Variants in LCMT1 observed in about 807,000 individuals in gnomAD.
The protein encoded by LCMT1 is leucine carboxyl methyltransferase 1.
In LCMT1, 32 loss-of-function variants were observed where a neutral mutation model predicts 47.7. The observed-to-expected ratio is 0.67, with a 90% CI of 0.51 to 0.90. The LOEUF (loss-of-function observed/expected upper bound fraction) is 0.90, where lower values mean the gene tolerates loss of function less well. Ranked by LOEUF, LCMT1 falls within the 40% of genes least tolerant of loss-of-function variation. The probability of loss-of-function intolerance (pLI) is 0.00; values close to 1 mark genes in which losing one functional copy is unlikely to be tolerated. For synonymous variants in LCMT1, 152 were observed against 149.7 expected (o/e 1.02, Z -0.11); for missense variants, 375 against 415.2 (o/e 0.90, Z 0.84).
intron 7 of LCMT1, among the ~76,000 whole-genome samples, chr16:25,167,652 A>G (rs1961626474): frequency 6.6e-6 from 1 of 152,220 alleles, no homozygotes; most frequent in Non-Finnish European, 1.5e-5. Context: ...AACTACATGG[A>G]TGATAATAAT....
chr16:25,130,921 C>T (rs567429465), intron 2 of LCMT1, among the ~76,000 whole-genome samples: 1 of 152,286 alleles, frequency 6.6e-6, no homozygotes, highest in African/African-American at 2.4e-5. Context: ...GCAGAGTATG[C>T]AGGAAAGGTA....
intron 4 of LCMT1, among the ~76,000 whole-genome samples, chr16:25,150,004 C>T: frequency 1.3e-5 from 2 of 150,452 alleles, no homozygotes. Context: ...GAATGGAAGA[C>T]TGAAGTTAGT....
At chr16:25,172,073 A>AG (rs1331076160) in intron 9 of LCMT1, among the ~76,000 whole-genome samples, 2 of 152,152 alleles carry the variant, frequency 1.3e-5, no homozygotes, top group African/African-American at 4.8e-5. Context: ...TGGGAGCCCA[A>AG]GGCAGGTGGA....
Position 25,124,353 on chromosome 16 carries a change from G to A in LCMT1, c.114-4122G>A, listed in dbSNP as rs565810195. 5.7e-3 allele frequency among the ~76,000 whole-genome samples: 861 copies of A among 152,330 alleles called. 5 individuals are homozygous for A. The highest frequency in any genetic ancestry group is 0.01 in the Non-Finnish European group (699 of 68,028). ...AGGTGTTATGAGGGAAAAAACAAGT[G>A]TGTATGGGGGGCAGATTTAAATCCA... On this transcript the variant is annotated intron_variant, in intron 1 of 10. Coordinates refer to ENST00000399069, the MANE Select transcript of LCMT1 (RefSeq NM_016309.3).
At chr16:25,157,540 CAAAAA>C (rs34782085) in intron 5 of LCMT1, among the ~76,000 whole-genome samples, 2 of 150,518 alleles carry the variant, frequency 1.3e-5, no homozygotes, top group Non-Finnish European at 3.0e-5. Context: ...AACGCTGTCT[CAAAAA>C]AAACCAGCAA....
chr16:25,154,140 G>T (rs1961163985), intron 5 of LCMT1, among the ~76,000 whole-genome samples: 1 of 151,778 alleles, frequency 6.6e-6, no homozygotes, highest in Admixed American at 6.6e-5. Flanking sequence ...CTCCCAAACA[G>T]CTGGAATTAC....
intron 1 of LCMT1, among the ~76,000 whole-genome samples, chr16:25,124,712 C>T (rs1372382611): frequency 9.2e-5 from 14 of 152,194 alleles, no homozygotes; most frequent in Admixed American, 7.9e-4. Context: ...AGAAGAAGGC[C>T]CCATTGTTCC....
chr16:25,149,671 T>G (rs1961008344), intron 4 of LCMT1, among the ~76,000 whole-genome samples: 2 of 152,212 alleles, frequency 1.3e-5, no homozygotes, highest in Admixed American at 1.3e-4. Context: ...CCCAGCACTT[T>G]GGAAGGCCAA....
chr16:25,155,692 G>A (rs78212285), intron 5 of LCMT1, among the ~76,000 whole-genome samples: 1 of 57,034 alleles, frequency 1.8e-5, no homozygotes, highest in African/African-American at 7.1e-5. Context: ...TTTTTTTTTT[G>A]AGACAAGGTC....
At chr16:25,135,334 G>A (rs1960474525) in intron 3 of LCMT1, among the ~76,000 whole-genome samples, 1 of 150,886 alleles carries the variant, frequency 6.6e-6, no homozygotes, top group Admixed American at 6.6e-5. Flanking sequence ...TTTTAGAGCA[G>A]GTGTTACAAA....
intron 2 of LCMT1, among the ~76,000 whole-genome samples, chr16:25,131,750 C>G (rs1960354284): frequency 6.6e-6 from 1 of 152,214 alleles, no homozygotes; most frequent in South Asian, 2.1e-4. Context: ...TCTTGGGCCA[C>G]TGCAACCTCT....
At chr16:25,177,155 G>A (rs1961972598) in intron 10 of LCMT1, among the ~76,000 whole-genome samples, 1 of 104,062 alleles carries the variant, frequency 9.6e-6, no homozygotes, top group African/African-American at 3.5e-5. Context: ...ACTCCAGCCT[G>A]GGCAACAGAG....
intron 4 of LCMT1, chr16:25,140,503 A>C: frequency 2.3e-6 from 1 of 443,884 alleles, no homozygotes. Flanking sequence ...GGCCAACCAA[A>C]TCTCCCAGAC....
In LCMT1 at chr16:25,167,356, C is replaced by T. The variant is rs538144528; in HGVS notation, c.691-1756C>T. ...TTTTAGAGACAGGGTCTCGTTCTGT[C>T]GCCCAGGCTGGAGTACAGTGGTGCC... On this transcript the variant is annotated intron_variant, in intron 7 of 10. Coordinates refer to ENST00000399069, the MANE Select transcript of LCMT1 (RefSeq NM_016309.3). 1.9e-4 allele frequency among the ~76,000 whole-genome samples: 28 copies of T among 151,188 alleles called. No individual in the cohort carries two copies. In the East Asian group the frequency reaches 5.2e-3, roughly 28 times the overall value.
rs761046157 is a variant in LCMT1 at position 25,164,645 on chromosome 16, C to T, written c.617C>T (p.Pro206Leu). The part of the protein sequence containing the change: ...IAECVLVYMT[P>L]EQSANLLKWA... ...GAATGTGTGCTGGTTTACATGACTC[C>T]AGAGCAGTCCGCAAACCTCCTGAAG... The change falls in exon 7 of 11, where the codon CCA becomes CTA. Residue 206 changes from proline (P) to leucine (L), a missense_variant. Pro to Leu is a moderately conservative substitution (Grantham distance 98). Coordinates refer to ENST00000399069, the MANE Select transcript of LCMT1 (RefSeq NM_016309.3). 1.2e-6 allele frequency: 2 copies of T among 1,613,934 alleles called. No individual in the cohort carries two copies. The highest frequency in any genetic ancestry group is 1.7e-6 in the Non-Finnish European group (2 of 1,179,860).
intron 7 of LCMT1, among the ~76,000 whole-genome samples, chr16:25,164,954 A>G (rs554375832): frequency 2.0e-5 from 3 of 152,180 alleles, no homozygotes; most frequent in African/African-American, 7.2e-5. Flanking sequence ...TCAAGTTCTT[A>G]TTTTTATCAT....
chr16:25,158,016 C>T (rs1429196837), intron 5 of LCMT1, among the ~76,000 whole-genome samples: 2 of 152,222 alleles, frequency 1.3e-5, no homozygotes, highest in African/African-American at 4.8e-5. Flanking sequence ...AATAAAAATA[C>T]CATTTTTACT....
intron 5 of LCMT1, among the ~76,000 whole-genome samples, chr16:25,160,097 C>T (rs1021184129): frequency 4.0e-5 from 6 of 151,844 alleles, no homozygotes; most frequent in South Asian, 2.1e-4. Flanking sequence ...TACAGGCATG[C>T]GCCACCACAC....
intron 8 of LCMT1, 42 bp downstream of exon 8, chr16:25,169,255 C>T (rs1470864109): frequency 7.8e-7 from 1 of 1,283,826 alleles, no homozygotes; most frequent in Non-Finnish European, 1.1e-6. Context: ...GACCCTTAGT[C>T]AACCAAGATA....
Sources: gnomAD v4.1 joint callset for allele counts (sites outside exome capture counted in the v4.1 genomes callset) on GRCh38, gnomAD v4.1.1 for gene constraint, MANE v1.5 for transcripts, NCBI Gene and HGNC (gene_info 2026-07-23, HGNC 2026-07-21) for gene names.